REDIC1: variants seen among roughly 807,000 people sequenced by gnomAD.
REDIC1 encodes regulator of DNA class I crossover intermediates 1, also known as HEI10 Interacting Protein 1.
chr12:39,679,779 G>GT, the REDIC1 span, among the ~76,000 whole-genome samples: 8 of 152,218 alleles, frequency 5.3e-5, no homozygotes, highest in South Asian at 8.3e-4. Context: ...GCATGGCACT[G>GT]GTATAAATAT....
the REDIC1 span, among the ~76,000 whole-genome samples, chr12:39,660,877 A>T: frequency 6.6e-6 from 1 of 151,876 alleles, no homozygotes; most frequent in African/African-American, 2.4e-5. Context: ...CCCACGAGAG[A>T]TTAACTTTTT....
chr12:39,716,942 G>C, the REDIC1 span: 2 of 680,654 alleles, frequency 2.9e-6, no homozygotes, highest in East Asian at 7.3e-5. Flanking sequence ...CAATTAAATA[G>C]TGGAAGTAAA....
the REDIC1 span, chr12:39,646,718 C>A: frequency 1.6e-6 from 1 of 633,592 alleles, no homozygotes; most frequent in South Asian, 2.8e-5. Context: ...TATTATGACC[C>A]TGTAGTGATT....
the REDIC1 span, among the ~76,000 whole-genome samples, chr12:39,857,991 G>A: frequency 6.6e-6 from 1 of 152,154 alleles, no homozygotes; most frequent in Non-Finnish European, 1.5e-5. Flanking sequence ...CAAGGTTTGG[G>A]TAGCAAGTCT....
chr12:39,830,460 A>C, the REDIC1 span: 1 of 1,237,588 alleles, frequency 8.1e-7, no homozygotes, highest in South Asian at 2.2e-5. Context: ...TTTGAGCTGA[A>C]GGAGGCTTGG....
chr12:39,890,356 C>T, the REDIC1 span, among the ~76,000 whole-genome samples: 1 of 152,074 alleles, frequency 6.6e-6, no homozygotes, highest in East Asian at 1.9e-4. Context: ...GAATATCTAT[C>T]CTCAAAGCTA....
chr12:39,696,145 C>A, the REDIC1 span, among the ~76,000 whole-genome samples: 1 of 152,064 alleles, frequency 6.6e-6, no homozygotes, highest in Non-Finnish European at 1.5e-5. Flanking sequence ...CAAGCCCAGA[C>A]TGTGAAGACT....
the REDIC1 span, among the ~76,000 whole-genome samples, chr12:39,734,771 A>G: frequency 6.6e-6 from 1 of 152,164 alleles, no homozygotes; most frequent in Non-Finnish European, 1.5e-5. Flanking sequence ...TCTTGATTGT[A>G]GTGTTACTTC....
At chr12:39,650,243 G>T in the REDIC1 span, 4 of 1,600,056 alleles carry the variant, frequency 2.5e-6, no homozygotes, top group African/African-American at 5.4e-5. This position sits in a 1 kb window ranked among gnomAD's most constrained non-coding sequence, Gnocchi z 4.3. Context: ...TTTCAGCGCA[G>T]TACTGTTAAC....
At chr12:39,879,772 G>A in the REDIC1 span, among the ~76,000 whole-genome samples, 7,088 of 152,230 alleles carry the variant, frequency 0.047, 533 homozygotes, top group African/African-American at 0.16. Context: ...GCTGGAATGA[G>A]TTAAGACTTT....
At chr12:39,680,352 A>T in the REDIC1 span, among the ~76,000 whole-genome samples, 1 of 152,158 alleles carries the variant, frequency 6.6e-6, no homozygotes, top group Non-Finnish European at 1.5e-5. Context: ...AAGATAATAC[A>T]AGTGGTCAAC....
At chr12:39,886,631 A>G in the REDIC1 span, among the ~76,000 whole-genome samples, 2 of 152,102 alleles carry the variant, frequency 1.3e-5, no homozygotes, top group Admixed American at 1.3e-4. Context: ...TGAATTGACT[A>G]TATTGTCTTA....
the REDIC1 span, among the ~76,000 whole-genome samples, chr12:39,748,666 G>A: frequency 6.6e-6 from 1 of 152,156 alleles, no homozygotes; most frequent in Non-Finnish European, 1.5e-5. Flanking sequence ...CACATAGTTG[G>A]AAGTAAAGCA....
At chr12:39,782,665 G>C in the REDIC1 span, among the ~76,000 whole-genome samples, 1 of 152,130 alleles carries the variant, frequency 6.6e-6, no homozygotes, top group Non-Finnish European at 1.5e-5. Flanking sequence ...ATTGGAACTG[G>C]GTAACAGACA....
At chr12:39,862,877 T>C in the REDIC1 span, among the ~76,000 whole-genome samples, 1 of 152,220 alleles carries the variant, frequency 6.6e-6, no homozygotes, top group African/African-American at 2.4e-5. Context: ...TCTACTCTTT[T>C]AGTTATTTTA....
chr12:39,751,776 A>G, the REDIC1 span, among the ~76,000 whole-genome samples: 1 of 152,188 alleles, frequency 6.6e-6, no homozygotes, highest in Non-Finnish European at 1.5e-5. Context: ...GCTGGAAACC[A>G]TCATTCTCAG....
the REDIC1 span, among the ~76,000 whole-genome samples, chr12:39,814,188 G>A: frequency 6.6e-6 from 1 of 152,286 alleles, no homozygotes; most frequent in African/African-American, 2.4e-5. Context: ...CAACCATTCT[G>A]ATGTAGATTG....
At chr12:39,673,402 G>T in the REDIC1 span, among the ~76,000 whole-genome samples, 1 of 152,108 alleles carries the variant, frequency 6.6e-6, no homozygotes, top group Admixed American at 6.5e-5. Context: ...ATTCATTCAG[G>T]AGTCAGACTG....
chr12:39,880,006 G>C, the REDIC1 span, among the ~76,000 whole-genome samples: 3 of 152,092 alleles, frequency 2.0e-5, no homozygotes, highest in Admixed American at 6.5e-5. Context: ...GTTCATACAA[G>C]ACACAGTCAT....
Sources: gnomAD v4.1 joint callset for allele counts (sites outside exome capture counted in the v4.1 genomes callset) on GRCh38, gnomAD v4.1.1 for gene constraint, Gnocchi (gnomAD v3.1) non-coding constraint, MANE v1.5 for transcripts, NCBI Gene and HGNC (gene_info 2026-07-23, HGNC 2026-07-21) for gene names.